Variants in SGCZ observed in about 807,000 individuals in gnomAD.
SGCZ encodes zeta-sarcoglycan.
In SGCZ, 40 loss-of-function variants were observed where a neutral mutation model predicts 41.3. The ratio of observed to expected loss-of-function variants is 0.97; its 90% CI spans 0.75 to 1.26. The LOEUF (loss-of-function observed/expected upper bound fraction) is 1.26. Among genes scored for constraint, SGCZ ranks in the 50% most tolerant of loss-of-function variants. The probability of loss-of-function intolerance (pLI) is 0.00; values close to 1 mark genes in which losing one functional copy is unlikely to be tolerated. For missense variants in SGCZ, 552 were observed against 369.8 expected (o/e 1.49, Z -4.04); for synonymous variants, 206 against 137.5 (o/e 1.50, Z -3.49).
chr8:14,422,487 G>T (rs1412264421), intron 2 of SGCZ, among the ~76,000 whole-genome samples: 1 of 152,066 alleles, frequency 6.6e-6, no homozygotes, highest in Non-Finnish European at 1.5e-5. Context: ...CAAACTTCAG[G>T]TTCAAATGTG....
chr8:14,765,054 G>T (rs1325012699), intron 1 of SGCZ, among the ~76,000 whole-genome samples: 1 of 152,118 alleles, frequency 6.6e-6, no homozygotes, highest in Non-Finnish European at 1.5e-5. Context: ...CCTAGAAATA[G>T]GCATATGTGC....
intron 2 of SGCZ, among the ~76,000 whole-genome samples, chr8:14,523,675 A>G (rs76637760): frequency 0.055 from 8,429 of 151,962 alleles, 564 homozygotes; most frequent in African/African-American, 0.15. Context: ...CACATTTTAG[A>G]TTTGTTCAAC....
chr8:14,658,520 C>T (rs1053473222), intron 1 of SGCZ, among the ~76,000 whole-genome samples: 2 of 151,820 alleles, frequency 1.3e-5, no homozygotes, highest in Non-Finnish European at 2.9e-5. Context: ...AGTAGCTAAT[C>T]CTTTGACCTG....
intron 1 of SGCZ, among the ~76,000 whole-genome samples, chr8:15,191,900 G>T (rs568934552): frequency 2.0e-5 from 3 of 151,954 alleles, no homozygotes; most frequent in African/African-American, 7.3e-5. Flanking sequence ...CCACGCTTAA[G>T]GGCTCAGATT....
At chr8:14,397,277 C>A (rs1056908862) in intron 2 of SGCZ, among the ~76,000 whole-genome samples, 1 of 151,760 alleles carries the variant, frequency 6.6e-6, no homozygotes, top group Admixed American at 6.6e-5. Flanking sequence ...TAAGGATGTT[C>A]GAATATAGTA....
At chr8:14,210,718 C>G (rs929705452) in intron 4 of SGCZ, among the ~76,000 whole-genome samples, 2 of 152,028 alleles carry the variant, frequency 1.3e-5, no homozygotes, top group Non-Finnish European at 2.9e-5. Context: ...CCGCTTGCCT[C>G]GGCCTCCCAA....
chr8:14,330,151 G>C (rs1427542762), intron 2 of SGCZ, among the ~76,000 whole-genome samples: 1 of 151,942 alleles, frequency 6.6e-6, no homozygotes, highest in Non-Finnish European at 1.5e-5. Flanking sequence ...ATCATATTCT[G>C]ATTCTAATTT....
chr8:14,200,585 A>T (rs1805421966), intron 4 of SGCZ, among the ~76,000 whole-genome samples: 1 of 152,116 alleles, frequency 6.6e-6, no homozygotes, highest in Non-Finnish European at 1.5e-5. Flanking sequence ...ACAGATTCTG[A>T]CGCAATTTAA....
At chr8:14,310,957 T>G (rs1801520423) in intron 3 of SGCZ, among the ~76,000 whole-genome samples, 1 of 152,116 alleles carries the variant, frequency 6.6e-6, no homozygotes, top group Non-Finnish European at 1.5e-5. Context: ...GTGGAAAATC[T>G]TGGAACACAC....
Position 14,912,074 on chromosome 8 carries a change from C to A in SGCZ, c.39+325511G>T, listed in dbSNP as rs148267806. Among the ~76,000 whole-genome samples, 497 of 126,230 alleles carry A rather than the reference C, an allele frequency of 3.9e-3. 7 individuals are homozygous for A. The East Asian group carries it at 0.04, about 10-fold the overall frequency. 82.8% of individuals were successfully genotyped at this position (126,230 alleles called of 152,430 possible). ...CTATTTGCATCTATTTTATTTACACCTATTTGTTTCTGTTTCTAGACACGT... is the reference window on the plus strand; with the variant it reads ...CTATTTGCATCTATTTTATTTACACATATTTGTTTCTGTTTCTAGACACGT... On this transcript the variant is annotated intron_variant, in intron 1 of 7. Transcript: ENST00000382080.
At chr8:14,279,315 C>G (rs1585313285) in intron 3 of SGCZ, among the ~76,000 whole-genome samples, 1 of 151,976 alleles carries the variant, frequency 6.6e-6, no homozygotes, top group East Asian at 1.9e-4. Flanking sequence ...CATATATATG[C>G]TGCATTAAAA....
chr8:14,345,668 C>T (rs903239187), intron 2 of SGCZ, among the ~76,000 whole-genome samples: 2 of 152,054 alleles, frequency 1.3e-5, no homozygotes, highest in Admixed American at 1.3e-4. Flanking sequence ...TTCCATTGCT[C>T]AGTTCCTAAA....
chr8:14,930,715 T>A (rs1799900470), intron 1 of SGCZ, among the ~76,000 whole-genome samples: 1 of 151,952 alleles, frequency 6.6e-6, no homozygotes, highest in African/African-American at 2.4e-5. Flanking sequence ...AAACCATCAT[T>A]CTCAGCAGAC....
At chr8:14,745,704 A>C (rs1416360535) in intron 1 of SGCZ, among the ~76,000 whole-genome samples, 1 of 152,098 alleles carries the variant, frequency 6.6e-6, no homozygotes, top group Non-Finnish European at 1.5e-5. Context: ...ATATATATAT[A>C]TGGTATGAAA....
At chr8:15,047,793 G>A (rs192263514) in intron 1 of SGCZ, among the ~76,000 whole-genome samples, 23 of 151,916 alleles carry the variant, frequency 1.5e-4, no homozygotes, top group East Asian at 9.6e-4. Context: ...TTTTATCATC[G>A]TACCGCAGTT....
At chr8:15,145,363 C>T (rs980300621) in intron 1 of SGCZ, among the ~76,000 whole-genome samples, 1 of 152,184 alleles carries the variant, frequency 6.6e-6, no homozygotes, top group Non-Finnish European at 1.5e-5. Context: ...AAGAGACATT[C>T]CATTTTGGTA....
At chr8:14,256,947 T>C (rs1799486276) in intron 3 of SGCZ, among the ~76,000 whole-genome samples, 1 of 152,188 alleles carries the variant, frequency 6.6e-6, no homozygotes, top group East Asian at 1.9e-4. Context: ...AGAGTATTCA[T>C]TTGTTAATCT....
At chr8:14,226,306 A>T (rs1435623501) in intron 4 of SGCZ, among the ~76,000 whole-genome samples, 2 of 152,094 alleles carry the variant, frequency 1.3e-5, no homozygotes, top group Non-Finnish European at 2.9e-5. Context: ...ACACATGCAG[A>T]TTGCTGTGTA....
intron 1 of SGCZ, among the ~76,000 whole-genome samples, chr8:14,869,919 T>A (rs1804083154): frequency 6.6e-6 from 1 of 152,030 alleles, no homozygotes; most frequent in Non-Finnish European, 1.5e-5. Flanking sequence ...ACTGCTCAAG[T>A]AACTAAGAGA....
Sources: allele counts gnomAD v4.1 joint callset (sites outside exome capture counted in the v4.1 genomes callset), GRCh38; gene constraint gnomAD v4.1.1; transcripts MANE v1.5; gene names NCBI Gene and HGNC (gene_info 2026-07-23, HGNC 2026-07-21).